Variants in FA2H observed in about 807,000 individuals in gnomAD.
FA2H encodes fatty acid alpha-hydroxylase.
A neutral mutation model predicts 44.9 loss-of-function variants in FA2H; 22 were observed. The ratio of observed to expected loss-of-function variants is 0.49; its 90% CI spans 0.35 to 0.70. FA2H has a LOEUF of 0.70. Ranked by LOEUF, FA2H falls within the 30% of genes least tolerant of loss-of-function variation. The pLI is 0.01. For missense variants in FA2H, 501 were observed against 504.9 expected, an observed-to-expected ratio of 0.99 and a Z score of 0.07; for synonymous variants, 243 against 213.2, an observed-to-expected ratio of 1.14 and a Z score of -1.22.
intron 1 of FA2H, among the ~76,000 whole-genome samples, chr16:74,768,545 C>T (rs1962849098): frequency 1.3e-5 from 2 of 152,226 alleles, no homozygotes; most frequent in Admixed American, 6.5e-5. Context: ...CTCAACCCCT[C>T]CAGTAAGTCG....
chr16:74,771,542 G>A (rs886704825), intron 1 of FA2H, among the ~76,000 whole-genome samples: 1 of 151,746 alleles, frequency 6.6e-6, no homozygotes, highest in African/African-American at 2.4e-5. Flanking sequence ...CACCATGTTG[G>A]CCAGACTGGT....
intron 4 of FA2H, among the ~76,000 whole-genome samples, chr16:74,723,766 G>T (rs762316210): frequency 4.3e-4 from 65 of 152,254 alleles, no homozygotes; most frequent in Non-Finnish European, 8.1e-4. Flanking sequence ...TCAAATCCTG[G>T]CTCAGCACCG....
intron 4 of FA2H, among the ~76,000 whole-genome samples, chr16:74,721,951 G>A (rs1222617346): frequency 2.6e-5 from 4 of 152,318 alleles, no homozygotes; most frequent in East Asian, 1.9e-4. Context: ...GCCAGGCACC[G>A]CCCAAGGGCC....
In FA2H at chr16:74,744,065, G is replaced by A. The variant is rs115213609; in HGVS notation, c.271-3950C>T. On this transcript the variant is annotated intron_variant, in intron 1 of 6. Transcript: ENST00000219368. Reference sequence around the variant, plus strand: ...GGTCTCCCATTCCCACCTGGGGCACGCCAGGACTCCAGGAACTGGGTCCTG... The same window carrying A: ...GGTCTCCCATTCCCACCTGGGGCACACCAGGACTCCAGGAACTGGGTCCTG... Among the ~76,000 whole-genome samples, 920 of 152,208 alleles carry A rather than the reference G, an allele frequency of 6.0e-3. 7 individuals are homozygous for A. Among genetic ancestry groups the A allele is most frequent in the African/African-American group, 0.021 (871 of 41,518 alleles).
At chr16:74,741,633 G>A (rs1420693599) in intron 1 of FA2H, among the ~76,000 whole-genome samples, 1 of 151,628 alleles carries the variant, frequency 6.6e-6, no homozygotes, top group Non-Finnish European at 1.5e-5. Flanking sequence ...GCTAATTTTT[G>A]TATTTTCAGT....
chr16:74,774,286 C>A (rs572061789), intron 1 of FA2H, among the ~76,000 whole-genome samples, 200 bp downstream of exon 1: 1 of 151,930 alleles, frequency 6.6e-6, no homozygotes, highest in Admixed American at 6.6e-5. Flanking sequence ...AAAGGAAGAG[C>A]AAGTTCCTGG....
intron 4 of FA2H, among the ~76,000 whole-genome samples, chr16:74,720,441 C>G (rs1330980543): frequency 6.6e-6 from 1 of 151,498 alleles, no homozygotes; most frequent in Admixed American, 6.6e-5. Context: ...AGTGATCTGC[C>G]CTCCTCAGCC....
In FA2H at chr16:74,713,788, C is replaced by G; in HGVS notation, c.*402G>C. On this transcript the variant is annotated 3_prime_UTR_variant, in exon 7 of 7. Transcript: ENST00000219368. ...ACAGACCCACTTCTGACTGTGAAAG[C>G]GAGCTGTGCCGTGCAGGCAGCTCCT... 5.0e-6 allele frequency: 1 copy of G among 198,700 alleles called. No homozygotes were observed. Among genetic ancestry groups the G allele is most frequent in the Non-Finnish European group, 1.0e-5 (1 of 95,608 alleles). 12.3% of individuals were successfully genotyped at this position (198,700 alleles called of 1,614,324 possible).
At chr16:74,772,231 G>C (rs1962923687) in intron 1 of FA2H, among the ~76,000 whole-genome samples, 1 of 152,250 alleles carries the variant, frequency 6.6e-6, no homozygotes, top group East Asian at 1.9e-4. Context: ...TCCTGCCAGA[G>C]CCTTCACACG....
chr16:74,734,171 G>C (rs533840938), intron 2 of FA2H, among the ~76,000 whole-genome samples: 2 of 152,336 alleles, frequency 1.3e-5, no homozygotes, highest in East Asian at 1.9e-4. Context: ...TGGCTCGGGT[G>C]GGGGAGAAGG....
chr16:74,744,753 A>T (rs902173593), intron 1 of FA2H, among the ~76,000 whole-genome samples: 1 of 151,882 alleles, frequency 6.6e-6, no homozygotes, highest in Non-Finnish European at 1.5e-5. Context: ...TGTCCACCAA[A>T]TTTTTTATTT....
intron 1 of FA2H, among the ~76,000 whole-genome samples, chr16:74,755,016 AAC>A (rs1962589202): frequency 6.6e-6 from 1 of 152,162 alleles, no homozygotes; most frequent in Admixed American, 6.5e-5. Flanking sequence ...CAAGCCAAGA[AAC>A]ACCAAAGGAC....
chr16:74,740,759 G>C (rs968341761), intron 1 of FA2H, among the ~76,000 whole-genome samples: 1 of 152,082 alleles, frequency 6.6e-6, no homozygotes, highest in Non-Finnish European at 1.5e-5. Flanking sequence ...TGCTTAGTGG[G>C]AGCCCTCCGG....
intron 1 of FA2H, among the ~76,000 whole-genome samples, chr16:74,760,464 A>C (rs1962688243): frequency 6.6e-6 from 1 of 152,182 alleles, no homozygotes; most frequent in Admixed American, 6.5e-5. Flanking sequence ...ACATCATCCC[A>C]GCTTACACTC....
rs779418418 is a variant in FA2H, at chr16:74,734,737, C to G, written c.363+5286G>C. 3.5e-4 allele frequency among the ~76,000 whole-genome samples: 54 copies of G among 152,202 alleles called. 2 individuals carry two copies. Among genetic ancestry groups the G allele is most frequent in the Non-Finnish European group, 2.2e-4 (15 of 68,028 alleles). ...CAGCACAGGGCCAGGTGGCATAGGA[C>G]GCTTTCCTGGGGAAGGGTGTGCCCA... On this transcript the variant is annotated intron_variant, in intron 2 of 6. Transcript: ENST00000219368.
chr16:74,737,748 G>A (rs1030798810), intron 2 of FA2H, among the ~76,000 whole-genome samples: 1 of 151,460 alleles, frequency 6.6e-6, no homozygotes, highest in Non-Finnish European at 1.5e-5. Flanking sequence ...GGGCAGGTGT[G>A]CAAACCCACC....
rs114655861 is a variant in FA2H at position 74,744,986 on chromosome 16, G to C, written c.271-4871C>G. 8.8e-3 allele frequency among the ~76,000 whole-genome samples: 1,336 copies of C among 152,326 alleles called. 23 individuals carry two copies. The highest frequency in any genetic ancestry group is 0.031 in the African/African-American group (1,285 of 41,574). On this transcript the variant is annotated intron_variant, in intron 1 of 6. Transcript: ENST00000219368. ...GCTTTCACAGGAGTGATCAGCACAAGTGTTGATGAGTGTGGCTTGACAGGG... is the reference window on the plus strand; with the variant it reads ...GCTTTCACAGGAGTGATCAGCACAACTGTTGATGAGTGTGGCTTGACAGGG...
chr16:74,724,867 C>T (rs1961918301), intron 4 of FA2H, among the ~76,000 whole-genome samples: 1 of 152,190 alleles, frequency 6.6e-6, no homozygotes, highest in Non-Finnish European at 1.5e-5. Context: ...CCCCTGTCTG[C>T]CCATCCGGCC....
At chr16:74,744,125 G>A (rs990808726) in intron 1 of FA2H, among the ~76,000 whole-genome samples, 23 of 152,226 alleles carry the variant, frequency 1.5e-4, no homozygotes, top group Middle Eastern at 3.4e-3. Flanking sequence ...TGCCACACAC[G>A]TTGATCTGGG....
Sources: gnomAD v4.1 joint callset for allele counts (sites outside exome capture counted in the v4.1 genomes callset) on GRCh38, gnomAD v4.1.1 for gene constraint, MANE v1.5 for transcripts, NCBI Gene and HGNC (gene_info 2026-07-23, HGNC 2026-07-21) for gene names.